The following TMEM108 variants were observed in gnomAD, a reference collection of about 807,000 sequenced individuals.
The protein encoded by TMEM108 is cancer/testis antigen 124.
Under a neutral mutation model 35.1 loss-of-function variants are expected in TMEM108, and 12 were observed. That is an observed-to-expected ratio of 0.34 (90% CI 0.22 to 0.55). The LOEUF (loss-of-function observed/expected upper bound fraction) is 0.55, where lower values mean the gene tolerates loss of function less well. Ranked by LOEUF, TMEM108 falls within the 20% of genes least tolerant of loss-of-function variation. The pLI, the probability that TMEM108 is intolerant of heterozygous loss-of-function variation, is 0.89. For synonymous variants in TMEM108, 287 were observed against 308.6 expected (o/e 0.93, Z 0.73); for missense variants, 680 against 753.3 (o/e 0.90, Z 1.14).
At chr3:133,124,225 C>A (rs890114195) in intron 2 of TMEM108, among the ~76,000 whole-genome samples, 5 of 152,176 alleles carry the variant, frequency 3.3e-5, no homozygotes, top group African/African-American at 1.2e-4. Flanking sequence ...TTTCCTGATA[C>A]CAAAATAACC....
At chr3:133,285,148 A>G (rs1946966491) in intron 3 of TMEM108, among the ~76,000 whole-genome samples, 1 of 152,150 alleles carries the variant, frequency 6.6e-6, no homozygotes. Flanking sequence ...TTATATCTGC[A>G]CTGTCCAATA....
chr3:133,062,861 G>A (rs1035769766), intron 2 of TMEM108, among the ~76,000 whole-genome samples: 2 of 152,186 alleles, frequency 1.3e-5, no homozygotes, highest in Non-Finnish European at 2.9e-5. Context: ...TATGAGTGGA[G>A]TGTTGAAGTG....
chr3:133,189,963 G>A (rs1021482994), intron 2 of TMEM108, among the ~76,000 whole-genome samples: 6 of 152,030 alleles, frequency 3.9e-5, no homozygotes, highest in Non-Finnish European at 8.8e-5. Flanking sequence ...GACATTTTGG[G>A]ACCATCAAAT....
chr3:133,143,845 T>C (rs989321676), intron 2 of TMEM108, among the ~76,000 whole-genome samples: 1 of 152,168 alleles, frequency 6.6e-6, no homozygotes, highest in African/African-American at 2.4e-5. Flanking sequence ...CTCATTCTAC[T>C]TCCCTGACCT....
At chr3:133,258,183 C>T (rs1433462411) in intron 3 of TMEM108, among the ~76,000 whole-genome samples, 1 of 152,164 alleles carries the variant, frequency 6.6e-6, no homozygotes, top group East Asian at 1.9e-4. Flanking sequence ...CTCACCCCTT[C>T]CTCCGTTTGA....
Position 133,380,007 on chromosome 3 carries a change from C to T in TMEM108, c.296C>T (p.Thr99Ile), listed in dbSNP as rs2072955945. ...CACCCTCCTACGCACACCATCTCCA[C>T]CATCGCTGCGACAGTAACCGCCCCC... Reference protein sequence around the residue: ...EGHPPTHTISTIAATVTAPHS... With the variant: ...EGHPPTHTISIIAATVTAPHS... Residue 99 changes from threonine (T) to isoleucine (I), a missense_variant, in exon 4 of 6, where the codon ACC (threonine) becomes ATC (isoleucine). Coordinates refer to ENST00000321871, the MANE Select transcript of TMEM108 (RefSeq NM_023943.4). The surrounding 1 kb of genome is among the most constrained non-coding windows in gnomAD (Gnocchi z 5.3). 1.2e-6 allele frequency: 2 copies of T among 1,614,030 alleles called. No individual in the cohort carries two copies. The highest frequency in any genetic ancestry group is 2.7e-5 in the African/African-American group (2 of 75,010).
At chr3:133,052,739 G>A (rs1241597739) in intron 2 of TMEM108, among the ~76,000 whole-genome samples, 1 of 151,898 alleles carries the variant, frequency 6.6e-6, no homozygotes, top group Non-Finnish European at 1.5e-5. Context: ...GTTTTCTCAA[G>A]GGGGGTGCTA....
intron 2 of TMEM108, among the ~76,000 whole-genome samples, chr3:133,136,286 A>T (rs1944563558): frequency 6.6e-6 from 1 of 152,202 alleles, no homozygotes; most frequent in Non-Finnish European, 1.5e-5. Flanking sequence ...AGGCTGACAA[A>T]TGTAACCCAG....
At chr3:133,167,543 A>T (rs970152425) in intron 2 of TMEM108, among the ~76,000 whole-genome samples, 1 of 152,184 alleles carries the variant, frequency 6.6e-6, no homozygotes, top group African/African-American at 2.4e-5. Flanking sequence ...CCCCGCGGGG[A>T]GGCGGCTGAA....
intron 2 of TMEM108, among the ~76,000 whole-genome samples, chr3:133,221,682 T>TC (rs1461097066): frequency 7.5e-6 from 1 of 132,742 alleles, no homozygotes; most frequent in East Asian, 2.5e-4. Flanking sequence ...TTTTTTTTTT[T>TC]TCACTTTTGT....
intron 2 of TMEM108, among the ~76,000 whole-genome samples, chr3:133,139,210 C>G (rs538214796): frequency 6.6e-6 from 1 of 152,112 alleles, no homozygotes; most frequent in Non-Finnish European, 1.5e-5. Context: ...GTGAATAGTG[C>G]TGCAATAAAC....
chr3:133,342,918 G>A (rs1033456895), intron 3 of TMEM108, among the ~76,000 whole-genome samples: 5 of 151,506 alleles, frequency 3.3e-5, no homozygotes, highest in African/African-American at 1.2e-4. Flanking sequence ...AATTTTGAAC[G>A]TTCCCAACAC....
At chr3:133,087,342 C>T (rs1329258149) in intron 2 of TMEM108, among the ~76,000 whole-genome samples, 40 of 152,166 alleles carry the variant, frequency 2.6e-4, no homozygotes, top group Non-Finnish European at 1.5e-5. Context: ...GATAACGCTG[C>T]AGGATAAATC....
At chr3:133,056,711 A>G (rs946407626) in intron 2 of TMEM108, among the ~76,000 whole-genome samples, 1 of 151,734 alleles carries the variant, frequency 6.6e-6, no homozygotes, top group African/African-American at 2.4e-5. Flanking sequence ...GCATCTAAAG[A>G]TACATTTTCC....
chr3:133,081,082 C>G (rs1305127233), intron 2 of TMEM108, among the ~76,000 whole-genome samples: 1 of 152,170 alleles, frequency 6.6e-6, no homozygotes, highest in African/African-American at 2.4e-5. Context: ...TTGAACAGTT[C>G]CATAGCACAG....
intron 3 of TMEM108, among the ~76,000 whole-genome samples, chr3:133,271,476 G>C (rs1045416531): frequency 6.6e-6 from 1 of 152,200 alleles, no homozygotes; most frequent in African/African-American, 2.4e-5. Flanking sequence ...TATTTCAAAA[G>C]TGATTTCTTG....
At chr3:133,210,639 G>C (rs1175660742) in intron 2 of TMEM108, among the ~76,000 whole-genome samples, 1 of 152,168 alleles carries the variant, frequency 6.6e-6, no homozygotes. Flanking sequence ...TAAAGCTATT[G>C]TATTATTTTA....
At chr3:133,100,207 A>G (rs762681516) in intron 2 of TMEM108, among the ~76,000 whole-genome samples, 12 of 152,238 alleles carry the variant, frequency 7.9e-5, no homozygotes, top group Non-Finnish European at 1.3e-4. Context: ...CTTATTCACT[A>G]TCATGAGAAT....
intron 4 of TMEM108, chr3:133,386,572 G>C (rs1015116444): frequency 4.0e-6 from 6 of 1,487,408 alleles, no homozygotes; most frequent in Non-Finnish European, 5.3e-6. Context: ...GAACCCAAGA[G>C]AGCTTAATTC....
Sources: allele counts gnomAD v4.1 joint callset (sites outside exome capture counted in the v4.1 genomes callset), GRCh38; gene constraint gnomAD v4.1.1; non-coding constraint Gnocchi (gnomAD v3.1); transcripts MANE v1.5; gene names NCBI Gene and HGNC (gene_info 2026-07-23, HGNC 2026-07-21).